Variants in STON2 observed in about 807,000 individuals in gnomAD.
The protein encoded by STON2 is stonin-2.
In STON2, 29 loss-of-function variants were observed where a neutral mutation model predicts 65.7. That is an observed-to-expected ratio of 0.44 (90% CI 0.33 to 0.60). STON2 has a LOEUF of 0.60. Ranked by LOEUF, STON2 falls within the 20% of genes least tolerant of loss-of-function variation. The probability of loss-of-function intolerance (pLI) is 0.03; values close to 1 mark genes in which losing one functional copy is unlikely to be tolerated. For synonymous variants in STON2, 404 were observed against 414.2 expected (o/e 0.98, Z 0.30); for missense variants, 1,054 against 1,118.1 (o/e 0.94, Z 0.82).
chr14:81,280,472 T>C (rs1303483674), intron 5 of STON2, among the ~76,000 whole-genome samples: 2 of 152,188 alleles, frequency 1.3e-5, no homozygotes, highest in Non-Finnish European at 2.9e-5. Flanking sequence ...GGATCTCTGC[T>C]ACCATCCTAC....
intron 4 of STON2, among the ~76,000 whole-genome samples, chr14:81,324,588 A>G (rs1896940986): frequency 1.3e-5 from 2 of 152,250 alleles, no homozygotes; most frequent in African/African-American, 4.8e-5. Context: ...TGGAGCAAGC[A>G]AACCTGGATG....
At chr14:81,384,525 C>T (rs1459299019) in intron 3 of STON2, among the ~76,000 whole-genome samples, 1 of 152,142 alleles carries the variant, frequency 6.6e-6, no homozygotes, top group African/African-American at 2.4e-5. Context: ...CGTAAGCCAT[C>T]GCGCCCAGCC....
intron 4 of STON2, among the ~76,000 whole-genome samples, chr14:81,326,792 CA>C (rs1897017995): frequency 6.6e-6 from 1 of 152,216 alleles, no homozygotes; most frequent in Non-Finnish European, 1.5e-5. Flanking sequence ...CAGAGGCTTT[CA>C]ACATCATTCC....
intron 3 of STON2, among the ~76,000 whole-genome samples, chr14:81,372,828 A>G (rs955755175): frequency 3.9e-5 from 6 of 152,184 alleles, no homozygotes; most frequent in African/African-American, 1.4e-4. Flanking sequence ...ACCAAAACAA[A>G]TAGAAAAAGA....
intron 3 of STON2, among the ~76,000 whole-genome samples, chr14:81,377,553 C>T (rs546326586): frequency 1.2e-4 from 19 of 152,258 alleles, no homozygotes; most frequent in East Asian, 1.2e-3. Context: ...CTGGGTCATA[C>T]GGTAATTGCA....
chr14:81,432,249 T>C (rs1182411746), intron 1 of STON2, among the ~76,000 whole-genome samples: 1 of 152,212 alleles, frequency 6.6e-6, no homozygotes, highest in Non-Finnish European at 1.5e-5. Context: ...CCAACATATT[T>C]GCTCCTTTAC....
chr14:81,335,908 G>A (rs924623030), intron 4 of STON2, among the ~76,000 whole-genome samples: 7 of 152,110 alleles, frequency 4.6e-5, no homozygotes, highest in African/African-American at 1.7e-4. Context: ...ATATTAAGAG[G>A]AGGTACCTGA....
At chr14:81,333,288 A>G (rs1234102656) in intron 4 of STON2, 4 of 687,186 alleles carry the variant, frequency 5.8e-6, no homozygotes, top group African/African-American at 1.8e-5. Flanking sequence ...AAGGACGTCA[A>G]TGACCATTTG....
At chr14:81,305,214 T>A (rs1272941919) in intron 5 of STON2, among the ~76,000 whole-genome samples, 2 of 152,246 alleles carry the variant, frequency 1.3e-5, no homozygotes, top group African/African-American at 4.8e-5. Context: ...CTATGAATAT[T>A]CTTGCACATG....
At chr14:81,370,231 T>A (rs1351713430) in intron 4 of STON2, among the ~76,000 whole-genome samples, 2 of 152,154 alleles carry the variant, frequency 1.3e-5, no homozygotes, top group Non-Finnish European at 2.9e-5. Context: ...GGTAATTTCA[T>A]CCACAGAGAA....
chr14:81,306,651 C>T (rs1896195980), intron 5 of STON2: 1 of 152,182 alleles, frequency 6.6e-6, no homozygotes. Flanking sequence ...TTTCAGTCCT[C>T]ATCCTTTCAC....
chr14:81,340,145 C>T, intron 4 of STON2, among the ~76,000 whole-genome samples: 1 of 152,196 alleles, frequency 6.6e-6, no homozygotes, highest in Non-Finnish European at 1.5e-5. Context: ...CAGAGCGAGA[C>T]TCCGTCTCAA....
At chr14:81,317,271 G>A (rs748884613) in intron 5 of STON2, among the ~76,000 whole-genome samples, 2 of 152,128 alleles carry the variant, frequency 1.3e-5, no homozygotes, top group Non-Finnish European at 2.9e-5. Flanking sequence ...AGGGCACCAA[G>A]CCATTCATGA....
rs946182179 is a variant in STON2 at position 81,264,195 on chromosome 14, A to G, written c.*4219T>C. The G allele has an allele frequency of 8.1e-6, 8 of 985,456 alleles. No homozygotes were observed. The highest frequency in any genetic ancestry group is 5.2e-5 in the African/African-American group (3 of 57,376). The allele number at this position is 985,456 out of a possible 1,614,324, so 61.0% of individuals were successfully genotyped here. On this transcript the variant is annotated 3_prime_UTR_variant, in exon 8 of 8. Transcript: ENST00000614646. ...CTTTGGGGCACAAAAATGTTTTTCA[A>G]TGTGAATGAGGTACATTGTAGTTCA...
At chr14:81,419,815 A>G (rs1450546678) in intron 2 of STON2, among the ~76,000 whole-genome samples, 1 of 152,214 alleles carries the variant, frequency 6.6e-6, no homozygotes, top group Non-Finnish European at 1.5e-5. Flanking sequence ...AGCAATCCCA[A>G]GGAAGCCCAA....
chr14:81,406,573 C>G (rs555595645), intron 2 of STON2, among the ~76,000 whole-genome samples: 67 of 152,232 alleles, frequency 4.4e-4, no homozygotes, highest in African/African-American at 1.6e-3. Flanking sequence ...TAACTACTGG[C>G]CCTTTACAGA....
chr14:81,318,918 G>A (rs1372492362), intron 5 of STON2, among the ~76,000 whole-genome samples: 1 of 152,208 alleles, frequency 6.6e-6, no homozygotes, highest in East Asian at 1.9e-4. Flanking sequence ...TTGGTCATGT[G>A]ACTTTCCTTG....
chr14:81,428,951 C>T (rs972103450), intron 1 of STON2, among the ~76,000 whole-genome samples: 1 of 152,152 alleles, frequency 6.6e-6, no homozygotes, highest in Admixed American at 6.5e-5. Context: ...CTCTACTTCT[C>T]GGCATTTGGC....
chr14:81,352,139 A>C (rs910236686), intron 4 of STON2, among the ~76,000 whole-genome samples: 1 of 152,214 alleles, frequency 6.6e-6, no homozygotes, highest in Non-Finnish European at 1.5e-5. Context: ...AATTAATGGT[A>C]GTATTACCAT....
Sources: gnomAD v4.1 joint callset for allele counts (sites outside exome capture counted in the v4.1 genomes callset) on GRCh38, gnomAD v4.1.1 for gene constraint, MANE v1.5 for transcripts, NCBI Gene and HGNC (gene_info 2026-07-23, HGNC 2026-07-21) for gene names.